The following IFNLR1 variants were observed in gnomAD, a reference collection of about 807,000 sequenced individuals.
IFNLR1 encodes the protein CRF2-12.
Under a neutral mutation model 52.5 loss-of-function variants are expected in IFNLR1, and 28 were observed. That is an observed-to-expected ratio of 0.53 (90% CI 0.40 to 0.73). The LOEUF (loss-of-function observed/expected upper bound fraction) is 0.73, where lower values mean the gene tolerates loss of function less well. IFNLR1 is among the 30% of genes least tolerant of loss of function. The pLI, the probability that IFNLR1 is intolerant of heterozygous loss-of-function variation, is 0.00. For synonymous variants in IFNLR1, 276 were observed against 274.9 expected (o/e 1.00, Z -0.04); for missense variants, 623 against 659.1 (o/e 0.95, Z 0.60).
rs1340001202 is a variant in IFNLR1, at chr1:24,161,628, T to C, written c.424A>G (p.Asn142Asp). The change falls in exon 4 of 7, where the codon AAT becomes GAT. Residue 142 changes from asparagine (N) to aspartate (D), a missense_variant. By Grantham distance (23) the Asn-to-Asp change is conservative (BLOSUM62 1). Coordinates refer to ENST00000327535, the MANE Select transcript of IFNLR1 (RefSeq NM_170743.4). ...CAGGGGGGCAGCTGGTACGTGGCATTGGCACTCAGGATCTCCTCCGTCTGG... is the reference window on the plus strand; with the variant it reads ...CAGGGGGGCAGCTGGTACGTGGCATCGGCACTCAGGATCTCCTCCGTCTGG... The part of the protein sequence containing the change: ...LTQTEEILSA[N>D]ATYQLPPCMP... The C allele has an allele frequency of 4.5e-6, 7 of 1,548,688 alleles. No individual in the cohort carries two copies. Among genetic ancestry groups the C allele is most frequent in the Non-Finnish European group, 6.1e-6 (7 of 1,145,014 alleles).
Position 24,184,085 on chromosome 1 carries a change from C to A in IFNLR1, c.58+3106G>T, listed in dbSNP as rs77360595. Among the ~76,000 whole-genome samples the A allele has an allele frequency of 5.6e-3, 858 of 152,218 alleles. 32 individuals are homozygous for A. In the East Asian group the frequency reaches 0.11, roughly 20 times the overall value. On this transcript the variant is annotated intron_variant, in intron 1 of 6. Transcript: ENST00000327535. ...AGGCCCTACCCAATCTGACCCACCACTCCTCCCTTGCTCCCATATCTCCAT... is the reference window on the plus strand; with the variant it reads ...AGGCCCTACCCAATCTGACCCACCAATCCTCCCTTGCTCCCATATCTCCAT...
intron 3 of IFNLR1, among the ~76,000 whole-genome samples, chr1:24,164,023 A>T (rs1644493620): frequency 6.6e-6 from 1 of 152,120 alleles, no homozygotes; most frequent in South Asian, 2.1e-4. Flanking sequence ...CAGTCAGTAC[A>T]ACTCTCGGGG....
chr1:24,178,703 A>T (rs1644658984), intron 2 of IFNLR1, among the ~76,000 whole-genome samples: 7 of 152,214 alleles, frequency 4.6e-5, no homozygotes, highest in Admixed American at 4.6e-4. Context: ...ATAATAAACT[A>T]GCAATCACCT....
intron 4 of IFNLR1, 105 bp from the exon 5 acceptor site, chr1:24,159,738 T>TTTTTGTTTTTTTG: frequency 1.7e-6 from 1 of 581,556 alleles, no homozygotes; most frequent in South Asian, 3.2e-5. Flanking sequence ...TTTTTTTTTG[T>TTTTTGTTTTTTTG]TTTTTTTTTT....
chr1:24,162,938 C>CTCTT (rs144576224), intron 3 of IFNLR1, among the ~76,000 whole-genome samples: 24,381 of 80,028 alleles, frequency 0.3, 5,172 homozygotes, highest in East Asian at 0.59. Context: ...TTCTTTCTTT[C>CTCTT]TCTTTCTTTC....
intron 3 of IFNLR1, 120 bp downstream of exon 3, chr1:24,169,297 T>C: frequency 1.1e-6 from 1 of 907,382 alleles, no homozygotes. Flanking sequence ...CCCAGGGAGC[T>C]GCCCTCTGCT....
intron 2 of IFNLR1, among the ~76,000 whole-genome samples, chr1:24,172,734 G>A (rs1015425817): frequency 6.6e-6 from 1 of 152,160 alleles, no homozygotes; most frequent in Admixed American, 6.5e-5. Flanking sequence ...TAGTCTGTGA[G>A]GGCTGCCATG....
rs191153916 is a variant in IFNLR1 at position 24,183,301 on chromosome 1, A to T, written c.59-2447T>A. Among the ~76,000 whole-genome samples, 785 of 146,350 alleles carry T rather than the reference A, an allele frequency of 5.4e-3. 5 individuals are homozygous for T. The highest frequency in any genetic ancestry group is 0.019 in the African/African-American group (754 of 40,312). On this transcript the variant is annotated intron_variant, in intron 1 of 6. Coordinates refer to ENST00000327535, the MANE Select transcript of IFNLR1 (RefSeq NM_170743.4). Reference sequence around the variant, plus strand: ...ACTATTAAAAGGCTTTTTCCCCATTAAAAAAAAAAATACAGGTCGGGCATG... The same window carrying T: ...ACTATTAAAAGGCTTTTTCCCCATTTAAAAAAAAAATACAGGTCGGGCATG...
chr1:24,172,421 C>T (rs7520329), intron 2 of IFNLR1, among the ~76,000 whole-genome samples: 1 of 151,644 alleles, frequency 6.6e-6, no homozygotes, highest in Non-Finnish European at 1.5e-5. Context: ...AAGAAAAAAC[C>T]ACATAAAACC....
intron 5 of IFNLR1, 126 bp from the exon 6 acceptor site, chr1:24,159,308 G>T: frequency 7.4e-7 from 1 of 1,350,272 alleles, no homozygotes; most frequent in Non-Finnish European, 1.0e-6. Flanking sequence ...CCTGCAGACT[G>T]TGCAAACCAA....
At chr1:24,180,076 C>T (rs916601649) in intron 2 of IFNLR1, among the ~76,000 whole-genome samples, 5 of 152,160 alleles carry the variant, frequency 3.3e-5, no homozygotes, top group Admixed American at 2.6e-4. Flanking sequence ...GTGGGTGGAT[C>T]ACCTGAGCTC....
At position 24,173,577 on chromosome 1, in the gene IFNLR1, C is replaced by A. The variant is rs1004851984; in HGVS notation, c.183-3976G>T. 3.2e-4 allele frequency among the ~76,000 whole-genome samples: 49 copies of A among 152,158 alleles called. 1 individual carries two copies. The highest frequency in any genetic ancestry group is 1.2e-3 in the South Asian group (6 of 4,824). On this transcript the variant is annotated intron_variant, in intron 2 of 6. Coordinates refer to ENST00000327535, the MANE Select transcript of IFNLR1 (RefSeq NM_170743.4). ...CATTACCTAATCTCCTAAATCTTAA[C>A]CCTAGATCCATTTTTCTTCTCCCTC...
At chr1:24,174,356 G>C (rs147615131) in intron 2 of IFNLR1, among the ~76,000 whole-genome samples, 257 of 152,344 alleles carry the variant, frequency 1.7e-3, no homozygotes, top group African/African-American at 5.6e-3. Flanking sequence ...CAGAAATGAG[G>C]TGCTGAGGTA....
Position 24,159,149 on chromosome 1 carries a change from A to G in IFNLR1, c.704T>C (p.Leu235Pro). 1.2e-6 allele frequency: 2 copies of G among 1,614,226 alleles called. No individual in the cohort carries two copies. The highest frequency in any genetic ancestry group is 1.7e-6 in the Non-Finnish European group (2 of 1,180,034). ...GGCAATTACTAACAGCAGTATCAGA[A>G]GCGATGGCAGCACCAGGAAAGCCCA... ...ANWAFLVLPS[L>P]LILLLVIAAG... The change falls in exon 6 of 7, where the codon CTT becomes CCT. Residue 235 changes from leucine (L) to proline (P), a missense_variant. Transcript: ENST00000327535.
In IFNLR1 at chr1:24,161,693, A is replaced by G; in HGVS notation, c.368-9T>C. ...AGGTGGGGCCGGCTCCACTGCAGAAACAGAGCAGGACCTGTCAGTAATCCC... is the reference window on the plus strand; with the variant it reads ...AGGTGGGGCCGGCTCCACTGCAGAAGCAGAGCAGGACCTGTCAGTAATCCC... On this transcript the variant is annotated splice_polypyrimidine_tract_variant and intron_variant, in intron 3 of 6. Coordinates refer to ENST00000327535, the MANE Select transcript of IFNLR1 (RefSeq NM_170743.4). The G allele has an allele frequency of 2.7e-6, 4 of 1,477,984 alleles. No individual in the cohort carries two copies. The highest frequency in any genetic ancestry group is 3.6e-6 in the Non-Finnish European group (4 of 1,107,854). The allele number at this position is 1,477,984 out of a possible 1,614,324, so 91.6% of individuals were successfully genotyped here.
Position 24,180,739 on chromosome 1 carries a change from G to A in IFNLR1, c.174C>T (p.Ala58=). 21 of 1,464,070 alleles carry A rather than the reference G, an allele frequency of 1.4e-5. No homozygotes were observed. Among genetic ancestry groups the A allele is most frequent in the Non-Finnish European group, 1.9e-5 (21 of 1,086,034 alleles). The allele number at this position is 1,464,070 out of a possible 1,614,324, so 90.7% of individuals were successfully genotyped here. The part of the protein sequence containing the change: ...GNPQDVTYFV[A]YQSSPTRRRW... ...GAGAGAGTCCCCTCTACCTCTGATA[G>A]GCCACAAAATAGGTCACATCCTGGG... is the stretch of plus-strand genomic sequence containing the variant. The change falls in exon 2 of 7, where the codon GCC becomes GCT. Residue 58 remains alanine (A), a synonymous_variant. Coordinates refer to ENST00000327535, the MANE Select transcript of IFNLR1 (RefSeq NM_170743.4).
intron 3 of IFNLR1, among the ~76,000 whole-genome samples, chr1:24,162,275 C>T (rs1244063701): frequency 3.9e-5 from 6 of 152,156 alleles, no homozygotes; most frequent in East Asian, 3.8e-4. Context: ...CTCTCAGCTC[C>T]GGAAGGCACC....
chr1:24,180,454 CACAGCT>C (rs1644677582), intron 2 of IFNLR1, among the ~76,000 whole-genome samples: 1 of 152,140 alleles, frequency 6.6e-6, no homozygotes, highest in Admixed American at 6.6e-5. Context: ...CTCTGGCCCC[CACAGCT>C]ACATCCATGC....
At chr1:24,169,327 A>G (rs1272093471) in intron 3 of IFNLR1, 90 bp downstream of exon 3, 19 of 1,242,340 alleles carry the variant, frequency 1.5e-5, no homozygotes, top group Non-Finnish European at 2.0e-5. Context: ...TGGGAGACAG[A>G]TGGTCAGGAG....
Sources: gnomAD v4.1 joint callset for allele counts (sites outside exome capture counted in the v4.1 genomes callset) on GRCh38, gnomAD v4.1.1 for gene constraint, MANE v1.5 for transcripts, NCBI Gene and HGNC (gene_info 2026-07-23, HGNC 2026-07-21) for gene names.